Variants in SERINC1 observed in about 807,000 individuals in gnomAD.
SERINC1 encodes tumor differentially expressed protein 2.
A neutral mutation model predicts 52.9 loss-of-function variants in SERINC1; 38 were observed. The observed-to-expected ratio is 0.72, with a 90% CI of 0.55 to 0.94. The LOEUF is 0.94. SERINC1 is among the 40% of genes least tolerant of loss of function. The pLI is 0.00. For missense variants in SERINC1, 471 were observed against 533.9 expected, an observed-to-expected ratio of 0.88 and a Z score of 1.16; for synonymous variants, 198 against 183.1, an observed-to-expected ratio of 1.08 and a Z score of -0.66.
At chr6:122,455,410 G>A (rs1454195570) in intron 3 of SERINC1, among the ~76,000 whole-genome samples, 1 of 151,322 alleles carries the variant, frequency 6.6e-6, no homozygotes, top group East Asian at 1.9e-4. Context: ...AAAAAAAAAA[G>A]TGAAAAGACT....
chr6:122,457,932 G>A (rs1237906690), intron 2 of SERINC1, among the ~76,000 whole-genome samples: 1 of 151,662 alleles, frequency 6.6e-6, no homozygotes, highest in Non-Finnish European at 1.5e-5. Context: ...TCCTTTCTAG[G>A]TTAATAGCAA....
chr6:122,454,408 A>G, intron 3 of SERINC1, 178 bp from the exon 4 acceptor site: 1 of 538,906 alleles, frequency 1.9e-6, no homozygotes, highest in Non-Finnish European at 3.3e-6. Context: ...CAAGGTAATC[A>G]TCATATTTAG....
At chr6:122,448,898 A>G (rs1206930251) in intron 7 of SERINC1, among the ~76,000 whole-genome samples, 2 of 150,944 alleles carry the variant, frequency 1.3e-5, no homozygotes, top group Non-Finnish European at 2.9e-5. Context: ...TTTTTCTAAC[A>G]GTATGTACTC....
Position 122,451,725 on chromosome 6 carries a change from CTG to C in SERINC1, c.787_788del (p.Gln263ValfsTer19). ...QESQPRSGLL[Q>X]SSVITVYTMY... ...TTGTGTAGACTGTAATTACTGAAGA[CTG>C]TAACAAACCAGATCTTGGTTGTGAT... On this transcript the variant is annotated frameshift_variant, in exon 7 of 10. Transcript: ENST00000339697. LOFTEE classifies it high-confidence loss of function. 1 of 947,590 alleles carries C rather than the reference CTG, an allele frequency of 1.1e-6. No homozygotes were observed. 58.7% of individuals were successfully genotyped at this position (947,590 alleles called of 1,614,324 possible).
intron 2 of SERINC1, among the ~76,000 whole-genome samples, chr6:122,457,448 T>C (rs777064811): frequency 2.6e-5 from 4 of 152,208 alleles, no homozygotes; most frequent in Non-Finnish European, 5.9e-5. Context: ...CTTACTGCTG[T>C]ATATTATTAT....
At chr6:122,451,589 T>A (rs374005452) in intron 7 of SERINC1, 75 bp downstream of exon 7, 1 of 555,674 alleles carries the variant, frequency 1.8e-6, no homozygotes, top group African/African-American at 2.0e-5. Flanking sequence ...AGTAATTTAA[T>A]CTCACAAAAA....
chr6:122,447,862 T>TCC (rs1331326203), intron 7 of SERINC1, among the ~76,000 whole-genome samples: 4 of 152,146 alleles, frequency 2.6e-5, no homozygotes, highest in Non-Finnish European at 5.9e-5. Flanking sequence ...ATGCCTGTAA[T>TCC]CCCAGCACTT....
intron 1 of SERINC1, among the ~76,000 whole-genome samples, chr6:122,468,142 T>C (rs1472687019): frequency 6.6e-6 from 1 of 152,208 alleles, no homozygotes; most frequent in African/African-American, 2.4e-5. Flanking sequence ...AATGGGTGAA[T>C]ATTGATTTGT....
At chr6:122,457,751 G>A (rs1775024170) in intron 2 of SERINC1, among the ~76,000 whole-genome samples, 1 of 151,608 alleles carries the variant, frequency 6.6e-6, no homozygotes, top group Non-Finnish European at 1.5e-5. Context: ...GTTGTCTTAA[G>A]CCACCCAGCC....
Position 122,458,599 on chromosome 6 carries a change from A to G in SERINC1, c.122T>C (p.Ile41Thr), listed in dbSNP as rs765840350. The G allele has an allele frequency of 6.2e-7, 1 of 1,613,278 alleles. No individual in the cohort carries two copies. The highest frequency in any genetic ancestry group is 1.1e-5 in the South Asian group (1 of 91,056). The change falls in exon 2 of 10, where the codon ATC (isoleucine) becomes ACC (threonine). Residue 41 changes from isoleucine (I) to threonine (T), a missense_variant. By Grantham distance (89) the Ile-to-Thr change is moderately conservative. Coordinates refer to ENST00000339697, the MANE Select transcript of SERINC1 (RefSeq NM_020755.4). Reference sequence around the variant, plus strand: ...TCCAACAAGCAAGAAAAGTGCATAGATCAATCTAGTTACAGTGGAGTTGTT... The same window carrying G: ...TCCAACAAGCAAGAAAAGTGCATAGGTCAATCTAGTTACAGTGGAGTTGTT... ...SGNNSTVTRL[I>T]YALFLLVGVC...
intron 3 of SERINC1, 78 bp from the exon 4 acceptor site, chr6:122,454,308 T>G (rs1405385835): frequency 1.2e-5 from 9 of 726,468 alleles, no homozygotes; most frequent in Non-Finnish European, 2.1e-5. Context: ...TTTAACTGCA[T>G]CTTAACAAAT....
At chr6:122,466,667 A>C (rs1040026316) in intron 1 of SERINC1, among the ~76,000 whole-genome samples, 5 of 152,126 alleles carry the variant, frequency 3.3e-5, no homozygotes, top group Admixed American at 3.3e-4. Flanking sequence ...AAGTCCAATC[A>C]GTCAATAAAA....
intron 1 of SERINC1, among the ~76,000 whole-genome samples, chr6:122,458,895 T>A (rs1160370669): frequency 1.3e-5 from 2 of 152,038 alleles, no homozygotes; most frequent in Admixed American, 6.6e-5. Context: ...AAAAAAATCC[T>A]TGGACTCTAT....
At chr6:122,455,384 G>C (rs1389132019) in intron 3 of SERINC1, among the ~76,000 whole-genome samples, 1 of 150,224 alleles carries the variant, frequency 6.7e-6, no homozygotes, top group Non-Finnish European at 1.5e-5. Context: ...AGCAGGGCTA[G>C]AATATAAAGC....
intron 7 of SERINC1, among the ~76,000 whole-genome samples, chr6:122,451,147 G>C (rs1774895673): frequency 6.6e-6 from 1 of 152,262 alleles, no homozygotes; most frequent in Middle Eastern, 3.4e-3. Flanking sequence ...TTAGTTTAAA[G>C]ATACTAAAAC....
intron 2 of SERINC1, among the ~76,000 whole-genome samples, chr6:122,457,103 T>C (rs546112950): frequency 1.3e-5 from 2 of 152,310 alleles, no homozygotes; most frequent in East Asian, 1.9e-4. Flanking sequence ...ATACTAGTCA[T>C]GTACTGGTTT....
At chr6:122,460,919 C>T (rs1775089712) in intron 1 of SERINC1, among the ~76,000 whole-genome samples, 1 of 151,838 alleles carries the variant, frequency 6.6e-6, no homozygotes. Context: ...TCATACTTCT[C>T]CAGATGATAA....
Position 122,443,492 on chromosome 6 carries a change from T to C in SERINC1, c.*1552A>G, listed in dbSNP as rs551946432. Reference sequence around the variant, plus strand: ...TTAATAAATATTTTTAAAGAAGAAATTGTAGATTTTAAAAGCTTCATTAGA... The same window carrying C: ...TTAATAAATATTTTTAAAGAAGAAACTGTAGATTTTAAAAGCTTCATTAGA... On this transcript the variant is annotated 3_prime_UTR_variant, in exon 10 of 10. Transcript: ENST00000339697. The C allele has an allele frequency of 1.3e-4, 20 of 152,298 alleles. No homozygotes were observed. Among genetic ancestry groups the C allele is most frequent in the African/African-American group, 4.3e-4 (18 of 41,566 alleles). 9.4% of individuals were successfully genotyped at this position (152,298 alleles called of 1,614,324 possible). A position where few individuals can be genotyped will look rare whatever the true frequency, so the allele number is the denominator to read the frequency against.
chr6:122,467,126 G>A (rs1302517879), intron 1 of SERINC1, among the ~76,000 whole-genome samples: 1 of 152,142 alleles, frequency 6.6e-6, no homozygotes, highest in Non-Finnish European at 1.5e-5. Flanking sequence ...CAACCTAAGA[G>A]AGAGGAAATG....
Sources: gnomAD v4.1 joint callset for allele counts (sites outside exome capture counted in the v4.1 genomes callset) on GRCh38, gnomAD v4.1.1 for gene constraint, MANE v1.5 for transcripts, NCBI Gene and HGNC (gene_info 2026-07-23, HGNC 2026-07-21) for gene names.